The following GPI variants were observed in gnomAD, a reference collection of about 807,000 sequenced individuals.
The protein encoded by GPI is glucose-6-phosphate isomerase, also known as D-hexose-6-phosphate anomerase.
Under a neutral mutation model 75.8 loss-of-function variants are expected in GPI, and 56 were observed. The observed-to-expected ratio is 0.74, with a 90% CI of 0.60 to 0.92. GPI has a LOEUF of 0.92. Ranked by LOEUF, GPI falls within the 40% of genes least tolerant of loss-of-function variation. The pLI is 0.00. For synonymous variants in GPI, 288 were observed against 285.4 expected (o/e 1.01, Z -0.09); for missense variants, 638 against 741.0 (o/e 0.86, Z 1.61).
intron 4 of GPI, among the ~76,000 whole-genome samples, chr19:34,373,948 G>A (rs1210885659): frequency 6.6e-6 from 1 of 151,990 alleles, no homozygotes; most frequent in Non-Finnish European, 1.5e-5. Flanking sequence ...CTAATATCAG[G>A]ATTCACATTC....
At chr19:34,383,055 A>T (rs2074679185) in intron 9 of GPI, among the ~76,000 whole-genome samples, 1 of 152,186 alleles carries the variant, frequency 6.6e-6, no homozygotes, top group Admixed American at 6.5e-5. Context: ...CTCAGGTGAG[A>T]TCAGAAGAGT....
intron 4 of GPI, 44 bp from the exon 5 acceptor site, chr19:34,377,459 A>T (rs1242627593): frequency 7.1e-7 from 1 of 1,409,078 alleles, no homozygotes; most frequent in Admixed American, 1.7e-5. Flanking sequence ...GCAGCGGATT[A>T]TGCCTGGGGG....
chr19:34,393,370 G>A lies in GPI; in HGVS notation c.865+62G>A. On this transcript the variant is annotated intron_variant, in intron 10 of 17. Coordinates refer to ENST00000356487, the MANE Select transcript of GPI (RefSeq NM_000175.5). The surrounding 1 kb of genome is among the most constrained non-coding windows in gnomAD (Gnocchi z 4.4). ...GACAGTGTTGCAGTCTAAGGTCGGG[G>A]TAGGGGGCTTGTGTCCCTGAACATC... 1 of 1,303,046 alleles carries A rather than the reference G, an allele frequency of 7.7e-7. No individual in the cohort carries two copies. The highest frequency in any genetic ancestry group is 1.1e-6 in the Non-Finnish European group (1 of 895,694). The allele number at this position is 1,303,046 out of a possible 1,614,324, so 80.7% of individuals were successfully genotyped here.
At chr19:34,382,136 GCTCTGA>G (rs1408402082) in intron 9 of GPI, among the ~76,000 whole-genome samples, 3 of 152,302 alleles carry the variant, frequency 2.0e-5, no homozygotes, top group African/African-American at 7.2e-5. Flanking sequence ...TGTGAGGAGG[GCTCTGA>G]CTGTGAAGCC....
chr19:34,381,212 C>T, intron 8 of GPI: 1 of 570,246 alleles, frequency 1.8e-6, no homozygotes, highest in Non-Finnish European at 3.2e-6. Context: ...TTACAGCTGC[C>T]CTCAGCAGGG....
chr19:34,366,380 T>C lies in GPI; in HGVS notation c.158T>C (p.Val53Ala), dbSNP rs2074365663. 6.2e-7 allele frequency: 1 copy of C among 1,613,542 alleles called. No individual in the cohort carries two copies. The highest frequency in any genetic ancestry group is 1.3e-5 in the African/African-American group (1 of 74,922). Residue 53 changes from valine to alanine, a missense_variant, in exon 2 of 18, where the codon GTG (valine) becomes GCG (alanine). By Grantham distance (64) the Val-to-Ala change is moderately conservative. Coordinates refer to ENST00000356487, the MANE Select transcript of GPI (RefSeq NM_000175.5). ...TLNTNHGHILVDYSKNLVTED... is the reference protein window; with the variant it reads ...TLNTNHGHILADYSKNLVTED... ...AACACCAACCATGGGCATATCCTGG[T>C]GGATTACTCCAAGAACCTGGTGACG...
intron 4 of GPI, among the ~76,000 whole-genome samples, chr19:34,375,473 A>C (rs2145351570): frequency 6.6e-6 from 1 of 152,206 alleles, no homozygotes; most frequent in East Asian, 1.9e-4. Flanking sequence ...ATTACCTCTC[A>C]CAGTGTCTGT....
At chr19:34,385,075 C>T (rs895093227) in intron 9 of GPI, among the ~76,000 whole-genome samples, 3 of 149,988 alleles carry the variant, frequency 2.0e-5, no homozygotes, top group Admixed American at 1.3e-4. Flanking sequence ...TGTGGTGGCT[C>T]ATGCCTGTAA....
At chr19:34,369,384 G>A (rs556389256) in intron 4 of GPI, among the ~76,000 whole-genome samples, 4 of 152,132 alleles carry the variant, frequency 2.6e-5, no homozygotes, top group Admixed American at 2.6e-4. Flanking sequence ...TTATCACCCA[G>A]TCTAGAAACA....
chr19:34,378,735 G>A (rs1001158144), intron 6 of GPI, among the ~76,000 whole-genome samples, 199 bp from the exon 7 acceptor site: 2 of 152,184 alleles, frequency 1.3e-5, no homozygotes, highest in African/African-American at 4.8e-5. Context: ...TAGGGTTGGG[G>A]GGTGTGTTTA....
At chr19:34,378,902 C>T (rs537695321) in intron 6 of GPI, 32 bp from the exon 7 acceptor site, 18 of 1,581,870 alleles carry the variant, frequency 1.1e-5, no homozygotes, top group Admixed American at 1.0e-4. Flanking sequence ...CCCCTAAGCT[C>T]GGGCGCCCAC....
intron 6 of GPI, 66 bp downstream of exon 6, chr19:34,377,947 CTTG>C: frequency 1.3e-6 from 2 of 1,547,852 alleles, no homozygotes; most frequent in Non-Finnish European, 1.8e-6. Flanking sequence ...GGACAGCTGT[CTTG>C]CCATCCCCCT....
chr19:34,400,534 A>G lies in GPI; in HGVS notation c.*498A>G. 2.1e-6 allele frequency: 1 copy of G among 466,502 alleles called. No individual in the cohort carries two copies. Among genetic ancestry groups the G allele is most frequent in the Non-Finnish European group, 3.7e-6 (1 of 266,692 alleles). 28.9% of individuals were successfully genotyped at this position (466,502 alleles called of 1,614,324 possible). ...TCAGGACGGCAACTTGGCCTGTGTCACCAAATCCCAAGACTGTTTTCCACT... is the reference window on the plus strand; with the variant it reads ...TCAGGACGGCAACTTGGCCTGTGTCGCCAAATCCCAAGACTGTTTTCCACT... On this transcript the variant is annotated 3_prime_UTR_variant, in exon 18 of 18. Coordinates refer to ENST00000356487, the MANE Select transcript of GPI (RefSeq NM_000175.5).
At chr19:34,375,776 T>G (rs1156790634) in intron 4 of GPI, among the ~76,000 whole-genome samples, 2 of 152,166 alleles carry the variant, frequency 1.3e-5, no homozygotes, top group Admixed American at 1.3e-4. Context: ...AACTGCACGT[T>G]CTCTGAACTC....
At chr19:34,388,272 T>A (rs1450990075) in intron 9 of GPI, among the ~76,000 whole-genome samples, 1 of 151,872 alleles carries the variant, frequency 6.6e-6, no homozygotes, top group Non-Finnish European at 1.5e-5. Context: ...AGGTCAGGAG[T>A]TTGAGACCAG....
intron 8 of GPI, chr19:34,379,964 G>T: frequency 4.2e-5 from 9 of 214,432 alleles, no homozygotes; most frequent in East Asian, 2.6e-4. Flanking sequence ...GTGACATTTT[G>T]CCCCCTACTT....
At position 34,393,372 on chromosome 19, in the gene GPI, A is replaced by G; in HGVS notation, c.865+64A>G. On this transcript the variant is annotated intron_variant, in intron 10 of 17. Coordinates refer to ENST00000356487, the MANE Select transcript of GPI (RefSeq NM_000175.5). This position sits in a 1 kb window ranked among gnomAD's most constrained non-coding sequence, Gnocchi z 4.4. ...CAGTGTTGCAGTCTAAGGTCGGGGT[A>G]GGGGGCTTGTGTCCCTGAACATCAT... is the stretch of plus-strand genomic sequence containing the variant. 1 of 1,277,826 alleles carries G rather than the reference A, an allele frequency of 7.8e-7. No individual in the cohort carries two copies. Among genetic ancestry groups the G allele is most frequent in the Non-Finnish European group, 1.1e-6 (1 of 872,850 alleles). The allele number at this position is 1,277,826 out of a possible 1,614,324, so 79.2% of individuals were successfully genotyped here.
At chr19:34,399,812 G>A (rs768137591) in intron 17 of GPI, 27 bp downstream of exon 17, 41 of 1,612,970 alleles carry the variant, frequency 2.5e-5, no homozygotes, top group Non-Finnish European at 2.4e-5. Flanking sequence ...GGGGAGGGCC[G>A]GGAATACCTT....
At chr19:34,396,215 G>C in intron 12 of GPI, 86 bp from the exon 13 acceptor site, 1 of 1,507,128 alleles carries the variant, frequency 6.6e-7, no homozygotes, top group Non-Finnish European at 9.1e-7. Flanking sequence ...TGGAATTACA[G>C]GCTTGAGCCA....
Sources: allele counts gnomAD v4.1 joint callset (sites outside exome capture counted in the v4.1 genomes callset), GRCh38; gene constraint gnomAD v4.1.1; non-coding constraint Gnocchi (gnomAD v3.1); transcripts MANE v1.5; gene names NCBI Gene and HGNC (gene_info 2026-07-23, HGNC 2026-07-21).